Variants in RAP1GAP2 observed in about 807,000 individuals in gnomAD.
RAP1GAP2 encodes rap1 GTPase-activating protein 2.
In RAP1GAP2, 27 loss-of-function variants were observed where a neutral mutation model predicts 95.0. The ratio of observed to expected loss-of-function variants is 0.28; its 90% CI spans 0.21 to 0.39. The LOEUF is 0.39. Among genes scored for constraint, RAP1GAP2 ranks in the 10% least tolerant of loss-of-function variants. RAP1GAP2 has a pLI of 1.00. For synonymous variants in RAP1GAP2, 373 were observed against 380.9 expected (o/e 0.98, Z 0.24); for missense variants, 771 against 970.0 (o/e 0.79, Z 2.72).
intron 2 of RAP1GAP2, among the ~76,000 whole-genome samples, chr17:2,815,719 T>A (rs1313843760): frequency 6.6e-6 from 1 of 152,028 alleles, no homozygotes; most frequent in Non-Finnish European, 1.5e-5. Flanking sequence ...TGACCTCAGG[T>A]GATCCGCCCA....
At position 3,018,164 on chromosome 17, in the gene RAP1GAP2, A is replaced by G. The variant is rs1392406631; in HGVS notation, c.1598A>G (p.His533Arg). The change falls in exon 18 of 25, where the codon CAC becomes CGC. Residue 533 changes from histidine to arginine, a missense_variant. Physicochemically the swap from His to Arg is conservative, Grantham distance 29. Coordinates refer to ENST00000254695, the MANE Select transcript of RAP1GAP2 (RefSeq NM_015085.5). ...GGCAGCCTCAGCGGGGGCATCTCCC[A>G]CAACAGCATGGAGGTCACCAAGACC... The part of the protein sequence containing the change: ...IPGSLSGGIS[H>R]NSMEVTKTTF... The G allele has an allele frequency of 6.3e-7, 1 of 1,578,976 alleles. No homozygotes were observed. Among genetic ancestry groups the G allele is most frequent in the African/African-American group, 1.4e-5 (1 of 73,924 alleles).
At chr17:2,839,103 G>C (rs777027716) in intron 2 of RAP1GAP2, among the ~76,000 whole-genome samples, 6 of 152,024 alleles carry the variant, frequency 3.9e-5, no homozygotes, top group Non-Finnish European at 1.5e-5. Context: ...AGAAGTTTGA[G>C]ACCAGCCTGG....
intron 3 of RAP1GAP2, among the ~76,000 whole-genome samples, chr17:2,948,567 T>A (rs2043794196): frequency 6.8e-6 from 1 of 146,636 alleles, no homozygotes; most frequent in Non-Finnish European, 1.5e-5. Context: ...AGAGAAGGGG[T>A]CCTGGACTCG....
At chr17:2,811,032 G>C (rs2069752000) in intron 2 of RAP1GAP2, among the ~76,000 whole-genome samples, 1 of 151,984 alleles carries the variant, frequency 6.6e-6, no homozygotes, top group African/African-American at 2.4e-5. Flanking sequence ...CTTGACCCTT[G>C]GCCCGCACGT....
chr17:2,857,038 C>T lies in RAP1GAP2; in HGVS notation c.81-48246C>T, dbSNP rs1251997980. On this transcript the variant is annotated intron_variant, in intron 2 of 24. Coordinates refer to ENST00000254695, the MANE Select transcript of RAP1GAP2 (RefSeq NM_015085.5). This position sits in a 1 kb window ranked among gnomAD's most constrained non-coding sequence, Gnocchi z 4.0. Reference sequence around the variant, plus strand: ...ACGGGAGGCCTGGAGCAGGCTGCAGCTGCCAGCCTCTCTTAAGCATCCCCC... The same window carrying T: ...ACGGGAGGCCTGGAGCAGGCTGCAGTTGCCAGCCTCTCTTAAGCATCCCCC... Among the ~76,000 whole-genome samples, 2 of 152,212 alleles carry T rather than the reference C, an allele frequency of 1.3e-5. No individual in the cohort carries two copies. Among genetic ancestry groups the T allele is most frequent in the East Asian group, 3.9e-4 (2 of 5,194 alleles).
intron 8 of RAP1GAP2, among the ~76,000 whole-genome samples, chr17:2,979,305 A>G (rs917982973): frequency 2.0e-5 from 3 of 152,188 alleles, no homozygotes; most frequent in African/African-American, 7.2e-5. Context: ...TTCTTTTCAT[A>G]AAGGTTTAAT....
intron 2 of RAP1GAP2, among the ~76,000 whole-genome samples, chr17:2,853,270 A>G (rs1320629651): frequency 1.3e-5 from 2 of 150,758 alleles, no homozygotes; most frequent in South Asian, 4.2e-4. Context: ...CGCCGGGCTC[A>G]GGTGCCCCCT....
intron 8 of RAP1GAP2, among the ~76,000 whole-genome samples, chr17:2,968,296 C>G (rs2044704573): frequency 6.6e-6 from 1 of 152,154 alleles, no homozygotes; most frequent in Non-Finnish European, 1.5e-5. Context: ...AAAGCAGAAT[C>G]TACTTTGTAG....
chr17:2,985,080 T>C lies in RAP1GAP2; in HGVS notation c.813+14T>C. ...AAAGCCAGGCAGGTAAGCAGCACCA[T>C]CCATACCGGTGACTGTATCCCGTGG... On this transcript the variant is annotated intron_variant, in intron 11 of 24. Transcript: ENST00000254695. 3 of 1,613,648 alleles carry C rather than the reference T, an allele frequency of 1.9e-6. No homozygotes were observed. Among genetic ancestry groups the C allele is most frequent in the Non-Finnish European group, 2.5e-6 (3 of 1,179,828 alleles).
intron 8 of RAP1GAP2, among the ~76,000 whole-genome samples, chr17:2,966,353 C>A (rs1789193997): frequency 2.6e-5 from 4 of 152,206 alleles, no homozygotes; most frequent in Admixed American, 2.6e-4. Flanking sequence ...GCAATATGCA[C>A]AGGTTGCTAT....
chr17:2,963,884 A>G lies in RAP1GAP2; in HGVS notation c.308A>G (p.Gln103Arg), dbSNP rs1597736360. ...EVVEKGGPYP[Q>R]VILPQFGGYW... is the part of the protein sequence containing the mutation. The stretch of plus-strand genomic sequence containing the variant: ...GTGGAGAAGGGAGGCCCGTACCCTC[A>G]GGTCATCCTGCCACAGTTTGGGGGC... Residue 103 changes from glutamine (Q) to arginine (R), a missense_variant, in exon 7 of 25, where the codon CAG (glutamine) becomes CGG (arginine). Coordinates refer to ENST00000254695, the MANE Select transcript of RAP1GAP2 (RefSeq NM_015085.5). This position sits in a 1 kb window ranked among gnomAD's most constrained non-coding sequence, Gnocchi z 4.8. 6.2e-7 allele frequency: 1 copy of G among 1,611,904 alleles called. No homozygotes were observed. The highest frequency in any genetic ancestry group is 8.5e-7 in the Non-Finnish European group (1 of 1,179,128).
intron 19 of RAP1GAP2, among the ~76,000 whole-genome samples, chr17:3,022,692 C>T (rs991400353): frequency 6.6e-6 from 1 of 152,158 alleles, no homozygotes; most frequent in East Asian, 1.9e-4. Flanking sequence ...TGGCTCTTTA[C>T]TTGGTTGATT....
At chr17:2,861,357 G>A (rs2072379593) in intron 2 of RAP1GAP2, among the ~76,000 whole-genome samples, 1 of 151,818 alleles carries the variant, frequency 6.6e-6, no homozygotes, top group Non-Finnish European at 1.5e-5. Context: ...TTTACCTCTG[G>A]GTCTCCATTG....
chr17:2,896,501 G>A (rs2151709611), intron 2 of RAP1GAP2, among the ~76,000 whole-genome samples: 1 of 152,326 alleles, frequency 6.6e-6, no homozygotes, highest in Non-Finnish European at 1.5e-5. Flanking sequence ...GGCTCACATA[G>A]AACTCGGAAT....
chr17:2,846,995 A>C (rs9890704), intron 2 of RAP1GAP2, among the ~76,000 whole-genome samples: 4,195 of 152,228 alleles, frequency 0.028, 185 homozygotes, highest in African/African-American at 0.095. Flanking sequence ...AGATTCCATC[A>C]AACCTGCCTT....
intron 3 of RAP1GAP2, among the ~76,000 whole-genome samples, chr17:2,911,712 G>T (rs12951352): frequency 0.69 from 95,186 of 138,168 alleles, 36,122 homozygotes; most frequent in Non-Finnish European, 0.87. Flanking sequence ...GGCGGGGTGG[G>T]GCAGCCGGAA....
chr17:2,808,038 G>T (rs577689926), intron 2 of RAP1GAP2, among the ~76,000 whole-genome samples: 23 of 152,318 alleles, frequency 1.5e-4, no homozygotes, highest in Non-Finnish European at 1.5e-5. Context: ...GTAACCTGGG[G>T]ATCCAACCTG....
intron 2 of RAP1GAP2, among the ~76,000 whole-genome samples, chr17:2,885,105 C>T (rs1364800997): frequency 6.8e-6 from 1 of 146,478 alleles, no homozygotes; most frequent in Admixed American, 7.0e-5. Context: ...ACGATCTCGG[C>T]TCACTGCAAG....
intron 2 of RAP1GAP2, among the ~76,000 whole-genome samples, chr17:2,899,384 A>AT (rs1407513142): frequency 1.3e-5 from 2 of 150,418 alleles, no homozygotes; most frequent in African/African-American, 2.4e-5. Context: ...TTTTTTAAAT[A>AT]TTTTTTTTAG....
Sources: allele counts gnomAD v4.1 joint callset (sites outside exome capture counted in the v4.1 genomes callset), GRCh38; gene constraint gnomAD v4.1.1; non-coding constraint Gnocchi (gnomAD v3.1); transcripts MANE v1.5; gene names NCBI Gene and HGNC (gene_info 2026-07-23, HGNC 2026-07-21).